PIK3R1: variants seen among roughly 807,000 people sequenced by gnomAD.
The protein encoded by PIK3R1 is phosphoinositide-3-kinase regulatory subunit 1, also known as phosphatidylinositol 3-kinase regulatory subunit alpha.
Under a neutral mutation model 98.0 loss-of-function variants are expected in PIK3R1, and 29 were observed. The observed-to-expected ratio is 0.30, with a 90% CI of 0.22 to 0.40. PIK3R1 has a LOEUF of 0.40. Among genes scored for constraint, PIK3R1 ranks in the 10% least tolerant of loss-of-function variants. The probability of loss-of-function intolerance (pLI) is 1.00; values close to 1 mark genes in which losing one functional copy is unlikely to be tolerated. For missense variants in PIK3R1, 596 were observed against 872.7 expected (o/e 0.68, Z 3.99); for synonymous variants, 282 against 311.8 (o/e 0.90, Z 1.01).
At chr5:68,260,045 T>A (rs919514725) in intron 2 of PIK3R1, among the ~76,000 whole-genome samples, 1 of 152,178 alleles carries the variant, frequency 6.6e-6, no homozygotes, top group Non-Finnish European at 1.5e-5. Flanking sequence ...ATAATTTTAG[T>A]AAAGCAACGT....
Position 68,233,572 on chromosome 5 carries a change from T to A in PIK3R1, c.334+6563T>A, listed in dbSNP as rs557009954. 5.3e-5 allele frequency among the ~76,000 whole-genome samples: 8 copies of A among 152,370 alleles called. No individual in the cohort carries two copies. The South Asian group carries it at 1.7e-3, about 32-fold the overall frequency. ...AGAATATCAGACTACTTTATAAATGTGTTATTCCTTCTTACCAATTTATGT... is the reference window on the plus strand; with the variant it reads ...AGAATATCAGACTACTTTATAAATGAGTTATTCCTTCTTACCAATTTATGT... On this transcript the variant is annotated intron_variant, in intron 2 of 15. Transcript: ENST00000521381.
At chr5:68,227,909 A>C (rs1468422490) in intron 2 of PIK3R1, among the ~76,000 whole-genome samples, 1 of 152,240 alleles carries the variant, frequency 6.6e-6, no homozygotes, top group Non-Finnish European at 1.5e-5. Flanking sequence ...GATGGTCCAT[A>C]CTTGCGCTTC....
chr5:68,273,278 G>C (rs1301465990), intron 2 of PIK3R1, 112 bp from the exon 3 acceptor site: 2 of 972,352 alleles, frequency 2.1e-6, no homozygotes, highest in East Asian at 4.8e-5. Context: ...CAGAGCAGGG[G>C]TTCTTCTTGC....
intron 4 of PIK3R1, among the ~76,000 whole-genome samples, chr5:68,277,598 C>G (rs1187549293): frequency 6.6e-6 from 1 of 152,156 alleles, no homozygotes; most frequent in African/African-American, 2.4e-5. Context: ...TTTTTGTAGT[C>G]TTAGGCTCAA....
chr5:68,224,820 C>T (rs1326699962), intron 1 of PIK3R1, among the ~76,000 whole-genome samples: 1 of 152,206 alleles, frequency 6.6e-6, no homozygotes, highest in Non-Finnish European at 1.5e-5. Context: ...GTGTACATGC[C>T]GTTCTCAGCC....
At chr5:68,219,518 T>G (rs1163413372) in intron 1 of PIK3R1, among the ~76,000 whole-genome samples, 1 of 152,200 alleles carries the variant, frequency 6.6e-6, no homozygotes, top group Non-Finnish European at 1.5e-5. Context: ...ACACAGCTAC[T>G]CATCTCTAAA....
At chr5:68,277,955 C>T (rs1210805788) in intron 4 of PIK3R1, among the ~76,000 whole-genome samples, 1 of 152,138 alleles carries the variant, frequency 6.6e-6, no homozygotes, top group Non-Finnish European at 1.5e-5. Context: ...CCACTGAGTA[C>T]ACAAGTCCCC....
chr5:68,273,780 C>T, intron 3 of PIK3R1, 159 bp from the exon 4 acceptor site: 1 of 670,744 alleles, frequency 1.5e-6, no homozygotes. Flanking sequence ...TATCAACATG[C>T]CAGGTAAGAT....
At chr5:68,258,609 C>T (rs1263368715) in intron 2 of PIK3R1, among the ~76,000 whole-genome samples, 5 of 152,210 alleles carry the variant, frequency 3.3e-5, no homozygotes, top group Non-Finnish European at 7.3e-5. Flanking sequence ...CCGAACCATA[C>T]CAGTCTTTCC....
intron 2 of PIK3R1, among the ~76,000 whole-genome samples, chr5:68,242,700 A>AAGG (rs144311581): frequency 6.6e-6 from 1 of 152,350 alleles, no homozygotes; most frequent in East Asian, 1.9e-4. Flanking sequence ...GGGATAGCCC[A>AAGG]AGGCCTGTCC....
intron 2 of PIK3R1, among the ~76,000 whole-genome samples, chr5:68,270,698 A>G (rs552461884): frequency 6.6e-6 from 1 of 152,298 alleles, no homozygotes; most frequent in African/African-American, 2.4e-5. Context: ...GAGTGACACA[A>G]TAATGGATCT....
chr5:68,273,199 C>G (rs1259701391), intron 2 of PIK3R1, among the ~76,000 whole-genome samples, 191 bp from the exon 3 acceptor site: 1 of 152,158 alleles, frequency 6.6e-6, no homozygotes, highest in East Asian at 1.9e-4. Context: ...AATCCTGGAG[C>G]ATTACTCTGA....
chr5:68,294,211 A>T (rs1244420045), intron 11 of PIK3R1, among the ~76,000 whole-genome samples: 1 of 152,234 alleles, frequency 6.6e-6, no homozygotes, highest in African/African-American at 2.4e-5. Flanking sequence ...AGGGCTATAT[A>T]CTGCTGTGCT....
At chr5:68,230,932 G>A (rs371832249) in intron 2 of PIK3R1, among the ~76,000 whole-genome samples, 2 of 152,048 alleles carry the variant, frequency 1.3e-5, no homozygotes, top group Non-Finnish European at 2.9e-5. Flanking sequence ...ACATGTCCTC[G>A]GGTGAGGCAG....
intron 2 of PIK3R1, among the ~76,000 whole-genome samples, chr5:68,233,423 G>T (rs895947883): frequency 2.0e-5 from 3 of 152,174 alleles, no homozygotes; most frequent in African/African-American, 7.2e-5. Context: ...TATAGCATTC[G>T]ATATCAAAGC....
intron 2 of PIK3R1, among the ~76,000 whole-genome samples, chr5:68,261,472 T>A (rs1261374470): frequency 6.6e-6 from 1 of 151,896 alleles, no homozygotes; most frequent in Non-Finnish European, 1.5e-5. Context: ...ATAGTGACAA[T>A]CATAAATAGG....
At position 68,301,392 on chromosome 5, in the gene PIK3R1, GTATATATATATATATATA is replaced by G. The variant is rs70987200; in HGVS notation, c.*3815_*3832del. On this transcript the variant is annotated 3_prime_UTR_variant, in exon 16 of 16. Coordinates refer to ENST00000521381, the MANE Select transcript of PIK3R1 (RefSeq NM_181523.3). The stretch of plus-strand genomic sequence containing the variant: ...TGTGTGTGTGTGTGTGTGTGTGTGT[GTATATATATATATATATA>G]TATATATATATATATATATATATGT... 7.5e-3 allele frequency: 341 copies of G among 45,318 alleles called. 6 individuals carry two copies. The highest frequency in any genetic ancestry group is 0.042 in the Middle Eastern group (2 of 48). 2.8% of individuals were successfully genotyped at this position (45,318 alleles called of 1,614,324 possible). A position where few individuals can be genotyped will look rare whatever the true frequency, so the allele number is the denominator to read the frequency against.
intron 2 of PIK3R1, among the ~76,000 whole-genome samples, chr5:68,254,634 A>G (rs1745441545): frequency 6.6e-6 from 1 of 152,226 alleles, no homozygotes; most frequent in African/African-American, 2.4e-5. Context: ...AGTCATTGTT[A>G]TCTTGGAGCT....
rs529608458 is a variant in PIK3R1 at position 68,226,513 on chromosome 5, A to G, written c.-163A>G. On this transcript the variant is annotated 5_prime_UTR_variant, in exon 2 of 16. Transcript: ENST00000521381. ...AGGACAGATGGACAGCCGTATGGCC[A>G]GTCACCTCTCCTCTTAAACCTTTGG... The G allele has an allele frequency of 1.7e-6, 1 of 603,918 alleles. No individual in the cohort carries two copies. Among genetic ancestry groups the G allele is most frequent in the Non-Finnish European group, 2.9e-6 (1 of 345,630 alleles). The allele number at this position is 603,918 out of a possible 1,614,324, so 37.4% of individuals were successfully genotyped here.
Sources: allele counts gnomAD v4.1 joint callset (sites outside exome capture counted in the v4.1 genomes callset), GRCh38; gene constraint gnomAD v4.1.1; transcripts MANE v1.5; gene names NCBI Gene and HGNC (gene_info 2026-07-23, HGNC 2026-07-21).